THRB: variants seen among roughly 807,000 people sequenced by gnomAD.
THRB encodes nuclear receptor subfamily 1 group A member 2.
A neutral mutation model predicts 47.8 loss-of-function variants in THRB; 12 were observed. That is an observed-to-expected ratio of 0.25 (90% confidence interval 0.16 to 0.41). The LOEUF (loss-of-function observed/expected upper bound fraction) is 0.41, where lower values mean the gene tolerates loss of function less well. Ranked by LOEUF, THRB falls within the 10% of genes least tolerant of loss-of-function variation. The pLI, the probability that THRB is intolerant of heterozygous loss-of-function variation, is 1.00. For missense variants in THRB, 348 were observed against 589.2 expected, an observed-to-expected ratio of 0.59 and a Z score of 4.24; for synonymous variants, 218 against 212.2, an observed-to-expected ratio of 1.03 and a Z score of -0.24.
chr3:24,137,835 G>A (rs2034882714), intron 8 of THRB, among the ~76,000 whole-genome samples: 1 of 152,168 alleles, frequency 6.6e-6, no homozygotes, highest in South Asian at 2.1e-4. Flanking sequence ...AACAGCTGTG[G>A]TTTGGGCAGG....
intron 2 of THRB, among the ~76,000 whole-genome samples, chr3:24,299,557 A>G (rs185794608): frequency 6.6e-6 from 1 of 152,136 alleles, no homozygotes; most frequent in Non-Finnish European, 1.5e-5. Flanking sequence ...CAAGAACTCT[A>G]TCTGATCTCT....
rs1242209232 is a variant in THRB, at chr3:24,396,102, ACAC to A, written c.-260-58734_-260-58732del. Among the ~76,000 whole-genome samples, 18 of 152,218 alleles carry A rather than the reference ACAC, an allele frequency of 1.2e-4. No individual in the cohort carries two copies. The East Asian group carries it at 3.1e-3, about 26-fold the overall frequency. ...GAATACACTAAAAACCATTGAATGTACACTTTTAATGAGTGAATAGTATGGTAT... is the reference window on the plus strand; with the variant it reads ...GAATACACTAAAAACCATTGAATGTATTTTAATGAGTGAATAGTATGGTAT... On this transcript the variant is annotated intron_variant, in intron 1 of 10. Coordinates refer to ENST00000646209, the MANE Select transcript of THRB (RefSeq NM_001354712.2).
At chr3:24,148,453 G>A (rs546445436) in intron 6 of THRB, among the ~76,000 whole-genome samples, 4 of 152,166 alleles carry the variant, frequency 2.6e-5, no homozygotes, top group South Asian at 2.1e-4. Flanking sequence ...GTAGAGATGC[G>A]TTTTTGCCAT....
chr3:24,207,307 G>A (rs909400773), intron 4 of THRB, among the ~76,000 whole-genome samples: 3 of 152,098 alleles, frequency 2.0e-5, no homozygotes, highest in Non-Finnish European at 4.4e-5. Flanking sequence ...ATGATCAAGT[G>A]GGCTTCATCC....
In THRB at chr3:24,299,277, A is replaced by C. The variant is rs183686587; in HGVS notation, c.-188-1906T>G. 4.7e-3 allele frequency among the ~76,000 whole-genome samples: 706 copies of C among 150,364 alleles called. 2 individuals are homozygous for C. The highest frequency in any genetic ancestry group is 0.016 in the African/African-American group (668 of 40,998). ...AAAAAAAAAAAAAAAAAAAAAAGAAAAGTAATTCAGGTTCACTGTAGAATA... is the reference window on the plus strand; with the variant it reads ...AAAAAAAAAAAAAAAAAAAAAAGAACAGTAATTCAGGTTCACTGTAGAATA... On this transcript the variant is annotated intron_variant, in intron 2 of 10. Coordinates refer to ENST00000646209, the MANE Select transcript of THRB (RefSeq NM_001354712.2).
intron 1 of THRB, among the ~76,000 whole-genome samples, chr3:24,416,324 G>A (rs1046076234): frequency 1.3e-5 from 2 of 151,718 alleles, no homozygotes; most frequent in South Asian, 2.1e-4. Context: ...CAGTAGAAGC[G>A]TTCTCCAGGG....
intron 4 of THRB, among the ~76,000 whole-genome samples, chr3:24,223,794 T>C (rs989181413): frequency 2.6e-5 from 4 of 151,666 alleles, no homozygotes; most frequent in African/African-American, 9.7e-5. Flanking sequence ...TTCCCTAATA[T>C]CTAAATCATT....
chr3:24,209,045 A>C (rs528172252), intron 4 of THRB, among the ~76,000 whole-genome samples: 62 of 152,368 alleles, frequency 4.1e-4, no homozygotes, highest in African/African-American at 1.5e-3. Flanking sequence ...GACTCTTCTC[A>C]AAAGAAGACA....
At chr3:24,423,673 A>G (rs185714299) in intron 1 of THRB, among the ~76,000 whole-genome samples, 1 of 151,988 alleles carries the variant, frequency 6.6e-6, no homozygotes, top group Admixed American at 6.6e-5. Flanking sequence ...AATTCCAAGG[A>G]CAGCAATAGT....
intron 5 of THRB, among the ~76,000 whole-genome samples, chr3:24,183,335 C>CT: frequency 6.9e-6 from 1 of 144,502 alleles, no homozygotes; most frequent in Non-Finnish European, 1.5e-5. Context: ...TATCTTTCAT[C>CT]TTTTTTCTTT....
At chr3:24,170,983 G>C (rs1351187083) in intron 5 of THRB, among the ~76,000 whole-genome samples, 1 of 152,130 alleles carries the variant, frequency 6.6e-6, no homozygotes, top group Non-Finnish European at 1.5e-5. Context: ...TTCGTCACAA[G>C]AGAACAGAGA....
chr3:24,151,893 TAAC>T (rs2037005083), intron 6 of THRB, among the ~76,000 whole-genome samples: 1 of 152,188 alleles, frequency 6.6e-6, no homozygotes, highest in African/African-American at 2.4e-5. Flanking sequence ...TTTCAGAACA[TAAC>T]TGAATCTAAG....
At position 24,439,631 on chromosome 3, in the gene THRB, A is replaced by G. The variant is rs141522538; in HGVS notation, c.-261+55021T>C. Among the ~76,000 whole-genome samples, 313 of 152,280 alleles carry G rather than the reference A, an allele frequency of 2.1e-3. 3 individuals carry two copies. Among genetic ancestry groups the G allele is most frequent in the African/African-American group, 7.4e-3 (306 of 41,552 alleles). ...ATCCAAATTTCTATTTGTACATCTC[A>G]AGGAGAATGGGGTCAATAACTCCCA... is the stretch of plus-strand genomic sequence containing the variant. On this transcript the variant is annotated intron_variant, in intron 1 of 10. Coordinates refer to ENST00000646209, the MANE Select transcript of THRB (RefSeq NM_001354712.2).
In THRB at chr3:24,138,413, G is replaced by T. The variant is rs886515188; in HGVS notation, c.739-4951C>A. The stretch of plus-strand genomic sequence containing the variant: ...GGTGGCAGTGCGGGGTGTGGGGGTG[G>T]TAAGGATAGTGCATGTAGTAACCAC... On this transcript the variant is annotated intron_variant, in intron 8 of 10. Transcript: ENST00000646209. Among the ~76,000 whole-genome samples the T allele has an allele frequency of 6.0e-4, 91 of 152,162 alleles. 1 individual carries two copies. Among genetic ancestry groups the T allele is most frequent in the African/African-American group, 2.2e-3 (90 of 41,420 alleles).
At chr3:24,299,104 T>C (rs951175758) in intron 2 of THRB, among the ~76,000 whole-genome samples, 6 of 151,456 alleles carry the variant, frequency 4.0e-5, no homozygotes, top group Non-Finnish European at 5.9e-5. Flanking sequence ...AAAAATTAGC[T>C]GGGCGTGGTG....
intron 5 of THRB, among the ~76,000 whole-genome samples, chr3:24,189,824 TA>T (rs1262670759): frequency 6.6e-6 from 1 of 152,144 alleles, no homozygotes; most frequent in East Asian, 1.9e-4. Flanking sequence ...ATTAGAGAAG[TA>T]AAAATGTCTT....
intron 1 of THRB, among the ~76,000 whole-genome samples, chr3:24,402,504 T>TG (rs2067494331): frequency 6.7e-6 from 1 of 150,080 alleles, no homozygotes; most frequent in Non-Finnish European, 1.5e-5. Context: ...TCTTCCTTTT[T>TG]TTTTTTTTTT....
chr3:24,206,359 G>A lies in THRB; in HGVS notation c.23-16025C>T, dbSNP rs555196524. 1.8e-4 allele frequency among the ~76,000 whole-genome samples: 27 copies of A among 152,182 alleles called. No homozygotes were observed. In the South Asian group the frequency reaches 3.5e-3, roughly 20 times the overall value. On this transcript the variant is annotated intron_variant, in intron 4 of 10. Coordinates refer to ENST00000646209, the MANE Select transcript of THRB (RefSeq NM_001354712.2). ...AGGATTAAGAAACTCACTCAAAACC[G>A]CTCAACTACATGGAAACTGAACAAC...
At chr3:24,169,291 C>T (rs1194728902) in intron 5 of THRB, among the ~76,000 whole-genome samples, 1 of 152,126 alleles carries the variant, frequency 6.6e-6, no homozygotes, top group East Asian at 1.9e-4. Context: ...ACTTAAAAGA[C>T]ACATTAAAAG....
Sources: gnomAD v4.1 joint callset for allele counts (sites outside exome capture counted in the v4.1 genomes callset) on GRCh38, gnomAD v4.1.1 for gene constraint, MANE v1.5 for transcripts, NCBI Gene and HGNC (gene_info 2026-07-23, HGNC 2026-07-21) for gene names.